GRK3: variants seen among roughly 807,000 people sequenced by gnomAD.
GRK3 encodes G protein-coupled receptor kinase 3.
Under a neutral mutation model 95.7 loss-of-function variants are expected in GRK3, and 54 were observed. That is an observed-to-expected ratio of 0.56 (90% CI 0.45 to 0.71). The LOEUF is 0.71. GRK3 is among the 30% of genes least tolerant of loss of function. The probability of loss-of-function intolerance (pLI) is 0.00; values close to 1 mark genes in which losing one functional copy is unlikely to be tolerated. For missense variants in GRK3, 649 were observed against 851.2 expected (o/e 0.76, Z 2.96); for synonymous variants, 281 against 290.8 (o/e 0.97, Z 0.34).
chr22:25,644,514 C>T, intron 2 of GRK3, 78 bp from the exon 3 acceptor site: 1 of 656,420 alleles, frequency 1.5e-6, no homozygotes, highest in Non-Finnish European at 2.6e-6. Flanking sequence ...GGTATAAACA[C>T]ATTGCTTTGA....
At chr22:25,662,647 A>T (rs1325459105) in intron 4 of GRK3, among the ~76,000 whole-genome samples, 4 of 152,176 alleles carry the variant, frequency 2.6e-5, no homozygotes, top group Admixed American at 2.6e-4. Context: ...ACCTGGCTTG[A>T]TGAAGGAATT....
chr22:25,594,148 G>A (rs974968378), intron 1 of GRK3, among the ~76,000 whole-genome samples: 7 of 152,068 alleles, frequency 4.6e-5, no homozygotes, highest in African/African-American at 1.7e-4. Context: ...AAATGACATT[G>A]GTAGTTTGAT....
At position 25,686,692 on chromosome 22, in the gene GRK3, G is replaced by A. The variant is rs187564130; in HGVS notation, c.827-845G>A. 5.7e-4 allele frequency among the ~76,000 whole-genome samples: 86 copies of A among 152,212 alleles called. No homozygotes were observed. In the Middle Eastern group the frequency reaches 0.014, roughly 24 times the overall value. ...CATCTGATAATTTCCTTTCTCCAGC[G>A]TTTTATTATGAAAAATTTCAAGCAG... On this transcript the variant is annotated intron_variant, in intron 10 of 20. Coordinates refer to ENST00000324198, the MANE Select transcript of GRK3 (RefSeq NM_005160.4).
chr22:25,617,903 A>C (rs2084552295), intron 2 of GRK3, among the ~76,000 whole-genome samples: 1 of 152,104 alleles, frequency 6.6e-6, no homozygotes, highest in Non-Finnish European at 1.5e-5. Context: ...CAGCCTCCTG[A>C]GTAGCTGGGA....
chr22:25,687,308 G>C (rs55657161), intron 10 of GRK3, among the ~76,000 whole-genome samples: 1 of 152,102 alleles, frequency 6.6e-6, no homozygotes, highest in Non-Finnish European at 1.5e-5. Context: ...ATGGTGGCTT[G>C]GTTTTGCTGT....
intron 2 of GRK3, among the ~76,000 whole-genome samples, chr22:25,634,612 A>G (rs1373597400): frequency 6.6e-6 from 1 of 152,150 alleles, no homozygotes; most frequent in Admixed American, 6.5e-5. Context: ...GCTTATTAAC[A>G]TTGTTCTAGT....
chr22:25,672,790 T>C (rs2146414575), intron 7 of GRK3, among the ~76,000 whole-genome samples: 1 of 152,256 alleles, frequency 6.6e-6, no homozygotes, highest in East Asian at 1.9e-4. Flanking sequence ...TTTTATCATT[T>C]TGAGAGTGAT....
intron 3 of GRK3, among the ~76,000 whole-genome samples, chr22:25,651,210 G>A (rs2084828175): frequency 1.3e-5 from 2 of 152,038 alleles, no homozygotes; most frequent in South Asian, 2.1e-4. Flanking sequence ...TCTAGCAAAG[G>A]AAAAATTAAA....
At chr22:25,699,497 T>G (rs1218004189) in intron 13 of GRK3, among the ~76,000 whole-genome samples, 1 of 152,066 alleles carries the variant, frequency 6.6e-6, no homozygotes, top group Non-Finnish European at 1.5e-5. Context: ...CCAAGGATGC[T>G]GCTCAACATC....
At chr22:25,716,067 A>T (rs1226436723) in intron 18 of GRK3, among the ~76,000 whole-genome samples, 1 of 151,818 alleles carries the variant, frequency 6.6e-6, no homozygotes, top group Non-Finnish European at 1.5e-5. Flanking sequence ...GCTCACTGCA[A>T]CCTCCGCCTC....
At chr22:25,588,118 G>A (rs189156598) in intron 1 of GRK3, among the ~76,000 whole-genome samples, 23 of 152,242 alleles carry the variant, frequency 1.5e-4, no homozygotes, top group African/African-American at 5.5e-4. Context: ...TAATTTAAAG[G>A]GATAGTTTCA....
At chr22:25,705,606 A>G (rs945895274) in intron 15 of GRK3, among the ~76,000 whole-genome samples, 1 of 152,096 alleles carries the variant, frequency 6.6e-6, no homozygotes, top group African/African-American at 2.4e-5. Context: ...CATATATAGT[A>G]TGATCTCTCT....
intron 2 of GRK3, among the ~76,000 whole-genome samples, chr22:25,632,607 C>A (rs2084671705): frequency 6.6e-6 from 1 of 152,110 alleles, no homozygotes; most frequent in African/African-American, 2.4e-5. Context: ...CCCAAGGTTG[C>A]AAAGATTTTC....
chr22:25,648,007 T>A (rs2084798590), intron 3 of GRK3: 1 of 488,770 alleles, frequency 2.0e-6, no homozygotes, highest in Admixed American at 3.3e-5. Flanking sequence ...TCCCAGCTAC[T>A]CAGGAGGCTG....
intron 2 of GRK3, among the ~76,000 whole-genome samples, chr22:25,627,363 C>T (rs1319853356): frequency 6.6e-6 from 1 of 152,208 alleles, no homozygotes; most frequent in Non-Finnish European, 1.5e-5. Flanking sequence ...AAGGCCAACC[C>T]TCCCTGAGCC....
rs528353322 is a variant in GRK3, at chr22:25,593,427, GT to G, written c.114-10946del. 4.8e-3 allele frequency among the ~76,000 whole-genome samples: 722 copies of G among 151,822 alleles called. 1 individual carries two copies. The highest frequency in any genetic ancestry group is 0.02 in the Middle Eastern group (6 of 294). ...TGGAGTGAGATGGTATCTCATGGTG[GT>G]TTTGATTTACGTTTCTGTGATGATT... is the stretch of plus-strand genomic sequence containing the variant. On this transcript the variant is annotated intron_variant, in intron 1 of 20. Transcript: ENST00000324198.
chr22:25,700,890 G>T (rs1362713968), intron 13 of GRK3, among the ~76,000 whole-genome samples: 1 of 152,094 alleles, frequency 6.6e-6, no homozygotes, highest in Non-Finnish European at 1.5e-5. Context: ...GGCCTCTTTT[G>T]GGTATTTTGA....
At chr22:25,657,514 A>G (rs975454278) in intron 3 of GRK3, among the ~76,000 whole-genome samples, 3 of 152,116 alleles carry the variant, frequency 2.0e-5, no homozygotes, top group Non-Finnish European at 4.4e-5. Flanking sequence ...TATTTTCATG[A>G]GGTATCTTTT....
At chr22:25,638,389 A>T (rs1204032109) in intron 2 of GRK3, among the ~76,000 whole-genome samples, 1 of 152,210 alleles carries the variant, frequency 6.6e-6, no homozygotes, top group African/African-American at 2.4e-5. Context: ...ACACACACAC[A>T]ATAAGGGGGA....
Sources: gnomAD v4.1 joint callset for allele counts (sites outside exome capture counted in the v4.1 genomes callset) on GRCh38, gnomAD v4.1.1 for gene constraint, MANE v1.5 for transcripts, NCBI Gene and HGNC (gene_info 2026-07-23, HGNC 2026-07-21) for gene names.